Variants in FBXL17 observed in about 807,000 individuals in gnomAD.
FBXL17 encodes the protein F-box/LRR-repeat protein 17.
Under a neutral mutation model 66.2 loss-of-function variants are expected in FBXL17, and 22 were observed. That is an observed-to-expected ratio of 0.33 (90% CI 0.24 to 0.47). The LOEUF (loss-of-function observed/expected upper bound fraction) is 0.47, where lower values mean the gene tolerates loss of function less well. Ranked by LOEUF, FBXL17 falls within the 20% of genes least tolerant of loss-of-function variation. The probability of loss-of-function intolerance (pLI) is 1.00; values close to 1 mark genes in which losing one functional copy is unlikely to be tolerated. For synonymous variants in FBXL17, 474 were observed against 400.5 expected (o/e 1.18, Z -2.19); for missense variants, 878 against 948.2 (o/e 0.93, Z 0.97).
At chr5:107,940,162 C>T (rs897187991) in intron 7 of FBXL17, among the ~76,000 whole-genome samples, 1 of 152,106 alleles carries the variant, frequency 6.6e-6, no homozygotes, top group African/African-American at 2.4e-5. Context: ...CAGTAAGTGG[C>T]AGAGTTGTCA....
intron 7 of FBXL17, among the ~76,000 whole-genome samples, chr5:107,950,556 T>C (rs1221472900): frequency 6.6e-6 from 1 of 152,180 alleles, no homozygotes; most frequent in African/African-American, 2.4e-5. Context: ...AATGTACAAA[T>C]ATGCCATTCC....
rs184870489 is a variant in FBXL17, at chr5:108,115,033, C to G, written c.1745+71084G>C. Among the ~76,000 whole-genome samples the G allele has an allele frequency of 1.9e-3, 282 of 152,216 alleles. 1 individual carries two copies. Among genetic ancestry groups the G allele is most frequent in the Middle Eastern group, 3.4e-3 (1 of 294 alleles). On this transcript the variant is annotated intron_variant, in intron 6 of 8. Coordinates refer to ENST00000542267, the MANE Select transcript of FBXL17 (RefSeq NM_001163315.3). ...TGTATATAAGATCATAATCCCCAAG[C>G]AATTTTTTAAATGACTGCATCAATG...
chr5:108,288,821 A>G (rs959539388), intron 4 of FBXL17, among the ~76,000 whole-genome samples: 1 of 152,064 alleles, frequency 6.6e-6, no homozygotes, highest in Non-Finnish European at 1.5e-5. Context: ...AGAGAGAGGT[A>G]TCTACTCTTC....
chr5:108,125,729 C>G (rs1411664378), intron 6 of FBXL17, among the ~76,000 whole-genome samples: 1 of 151,936 alleles, frequency 6.6e-6, no homozygotes, highest in Non-Finnish European at 1.5e-5. Flanking sequence ...GTTACCAGAA[C>G]TATGTTATAG....
At chr5:107,932,064 C>T (rs1404323644) in intron 7 of FBXL17, among the ~76,000 whole-genome samples, 3 of 152,070 alleles carry the variant, frequency 2.0e-5, no homozygotes, top group Non-Finnish European at 4.4e-5. Flanking sequence ...GTTCTGCAGA[C>T]GATTTGGATG....
At chr5:108,121,832 C>T (rs984916600) in intron 6 of FBXL17, among the ~76,000 whole-genome samples, 2 of 152,188 alleles carry the variant, frequency 1.3e-5, no homozygotes, top group Non-Finnish European at 2.9e-5. Context: ...GCTGGGATTA[C>T]AGGCGTGAGC....
chr5:108,279,188 C>A (rs1413794152), intron 4 of FBXL17, among the ~76,000 whole-genome samples: 1 of 152,096 alleles, frequency 6.6e-6, no homozygotes, highest in Non-Finnish European at 1.5e-5. Flanking sequence ...CTTCACCTGG[C>A]CAGTAAACTG....
intron 7 of FBXL17, among the ~76,000 whole-genome samples, chr5:107,949,976 T>A (rs1383607055): frequency 6.6e-6 from 1 of 152,194 alleles, no homozygotes; most frequent in African/African-American, 2.4e-5. Flanking sequence ...CATGTTTCCA[T>A]CTCACATAAC....
chr5:108,066,602 T>C (rs1218327383), intron 6 of FBXL17, among the ~76,000 whole-genome samples: 1 of 152,040 alleles, frequency 6.6e-6, no homozygotes, highest in Non-Finnish European at 1.5e-5. Flanking sequence ...GTATAATTTG[T>C]ACCTAAATTT....
At chr5:108,122,300 G>A (rs1750534952) in intron 6 of FBXL17, among the ~76,000 whole-genome samples, 1 of 152,076 alleles carries the variant, frequency 6.6e-6, no homozygotes, top group Non-Finnish European at 1.5e-5. Flanking sequence ...CATGCTGTTA[G>A]GTCACACAGC....
At chr5:108,033,201 CATCT>C (rs1366288279) in intron 6 of FBXL17, among the ~76,000 whole-genome samples, 1 of 152,052 alleles carries the variant, frequency 6.6e-6, no homozygotes, top group Non-Finnish European at 1.5e-5. Context: ...CAGATGTATC[CATCT>C]ATCTCTTTAT....
chr5:108,055,179 T>C (rs1234858714), intron 6 of FBXL17, among the ~76,000 whole-genome samples: 1 of 150,162 alleles, frequency 6.7e-6, no homozygotes, highest in Non-Finnish European at 1.5e-5. Flanking sequence ...ACATTATTAT[T>C]GATAATATGC....
intron 1 of FBXL17, among the ~76,000 whole-genome samples, chr5:108,370,423 TC>T (rs1297250445): frequency 6.6e-6 from 1 of 152,106 alleles, no homozygotes; most frequent in Non-Finnish European, 1.5e-5. Flanking sequence ...CAGTTTTTCC[TC>T]CAACAAGTCT....
intron 7 of FBXL17, among the ~76,000 whole-genome samples, chr5:108,009,292 T>TAGATAGAGAGATAGAGAG (rs1182877374): frequency 2.8e-5 from 1 of 35,946 alleles, no homozygotes; most frequent in Non-Finnish European, 6.5e-5. Flanking sequence ...TATATATATA[T>TAGATAGAGAGATAGAGAG]ATATATATAC....
At chr5:108,335,229 A>AT (rs1223668023) in intron 4 of FBXL17, among the ~76,000 whole-genome samples, 1 of 70,012 alleles carries the variant, frequency 1.4e-5, no homozygotes, top group African/African-American at 4.4e-5. Flanking sequence ...CCACTCCCCC[A>AT]CCCCCCCCCA....
At chr5:108,257,220 T>G (rs1372708019) in intron 4 of FBXL17, among the ~76,000 whole-genome samples, 1 of 152,204 alleles carries the variant, frequency 6.6e-6, no homozygotes, top group Non-Finnish European at 1.5e-5. Context: ...CAATAGAGAA[T>G]TCTGGCTTCA....
chr5:107,901,861 A>T (rs1326323548), intron 7 of FBXL17, among the ~76,000 whole-genome samples: 1 of 152,204 alleles, frequency 6.6e-6, no homozygotes, highest in Non-Finnish European at 1.5e-5. Context: ...GCCCTCCGTG[A>T]AAGTGGGGGC....
At chr5:108,082,075 C>T (rs1015937549) in intron 6 of FBXL17, among the ~76,000 whole-genome samples, 1 of 152,156 alleles carries the variant, frequency 6.6e-6, no homozygotes, top group South Asian at 2.1e-4. Flanking sequence ...AGTGCACAGA[C>T]TCAACTATAA....
At chr5:107,929,458 G>C (rs902486894) in intron 7 of FBXL17, among the ~76,000 whole-genome samples, 1 of 152,074 alleles carries the variant, frequency 6.6e-6, no homozygotes, top group African/African-American at 2.4e-5. Flanking sequence ...ACAGTGTTTA[G>C]CCAGGATAGG....
Sources: gnomAD v4.1 joint callset for allele counts (sites outside exome capture counted in the v4.1 genomes callset) on GRCh38, gnomAD v4.1.1 for gene constraint, MANE v1.5 for transcripts, NCBI Gene and HGNC (gene_info 2026-07-23, HGNC 2026-07-21) for gene names.